CDH23: variants seen among roughly 807,000 people sequenced by gnomAD.
CDH23 encodes cadherin related 23.
CDH23 carries 189 observed loss-of-function variants against 317.1 expected under a neutral mutation model. The observed-to-expected ratio is 0.60, with a 90% CI of 0.53 to 0.67. CDH23 has a LOEUF of 0.67. Ranked by LOEUF, CDH23 falls within the 30% of genes least tolerant of loss-of-function variation. The probability of loss-of-function intolerance (pLI) is 0.00; values close to 1 mark genes in which losing one functional copy is unlikely to be tolerated. For synonymous variants in CDH23, 1,839 were observed against 1,876.8 expected, an observed-to-expected ratio of 0.98 and a Z score of 0.52; for missense variants, 4,401 against 4,592.4, an observed-to-expected ratio of 0.96 and a Z score of 1.20.
intron 22 of CDH23, among the ~76,000 whole-genome samples, chr10:71,697,770 G>C (rs898582571): frequency 6.6e-6 from 1 of 152,058 alleles, no homozygotes. Flanking sequence ...CTGTGCAAAA[G>C]CCAGAGCCCT....
chr10:71,690,290 G>A (rs555376082), intron 19 of CDH23, among the ~76,000 whole-genome samples, 178 bp from the exon 20 acceptor site: 2 of 152,242 alleles, frequency 1.3e-5, no homozygotes, highest in Admixed American at 6.5e-5. Flanking sequence ...CGATTGAGCC[G>A]CCCTTGTCCC....
intron 16 of CDH23, 63 bp from the exon 17 acceptor site, chr10:71,679,324 C>A: frequency 4.7e-6 from 4 of 851,448 alleles, no homozygotes; most frequent in South Asian, 1.4e-5. Flanking sequence ...CCCAGCTGCC[C>A]ACCCTCTTCT....
intron 29 of CDH23, among the ~76,000 whole-genome samples, 160 bp from the exon 30 acceptor site, chr10:71,725,212 C>T (rs1279465317): frequency 6.6e-6 from 1 of 152,216 alleles, no homozygotes; most frequent in East Asian, 1.9e-4. Context: ...TCACAGAGTC[C>T]TCCAGCTTCC....
At chr10:71,465,123 C>T (rs920911383) in intron 3 of CDH23, among the ~76,000 whole-genome samples, 2 of 152,222 alleles carry the variant, frequency 1.3e-5, no homozygotes, top group Admixed American at 6.5e-5. Flanking sequence ...AATTAAATAA[C>T]GTAGAGTTAA....
chr10:71,726,387 G>A (rs552950771), intron 30 of CDH23, among the ~76,000 whole-genome samples: 3 of 152,324 alleles, frequency 2.0e-5, no homozygotes, highest in South Asian at 2.1e-4. Context: ...AACAATGAGC[G>A]GTGGTCACCG....
intron 18 of CDH23, among the ~76,000 whole-genome samples, chr10:71,686,286 C>T (rs752463211): frequency 1.6e-4 from 25 of 151,906 alleles, no homozygotes; most frequent in Non-Finnish European, 2.8e-4. Context: ...GTATATGGGG[C>T]GCTCGCACCC....
At chr10:71,589,786 A>C (rs1859345186) in intron 9 of CDH23, among the ~76,000 whole-genome samples, 2 of 152,230 alleles carry the variant, frequency 1.3e-5, no homozygotes, top group South Asian at 4.1e-4. Context: ...CCACATTGGG[A>C]AAGGTTTGAA....
chr10:71,662,107 C>T (rs534750565), intron 14 of CDH23, among the ~76,000 whole-genome samples: 17 of 151,664 alleles, frequency 1.1e-4, no homozygotes, highest in Non-Finnish European at 1.5e-4. Context: ...TAATTTCTTC[C>T]GGCAGCCTGG....
chr10:71,541,741 G>A (rs1855999796), intron 6 of CDH23, among the ~76,000 whole-genome samples: 1 of 152,150 alleles, frequency 6.6e-6, no homozygotes. Flanking sequence ...GGCTTTGCAG[G>A]CCATATGGAC....
At chr10:71,782,852 A>T (rs1350173093) in intron 41 of CDH23, among the ~76,000 whole-genome samples, 1 of 152,218 alleles carries the variant, frequency 6.6e-6, no homozygotes, top group Non-Finnish European at 1.5e-5. Flanking sequence ...AGCCTATGGG[A>T]CGGGAAGAGC....
intron 3 of CDH23, among the ~76,000 whole-genome samples, chr10:71,465,527 C>G (rs1406297046): frequency 6.6e-6 from 1 of 152,234 alleles, no homozygotes; most frequent in Non-Finnish European, 1.5e-5. Context: ...CGAGTGCCAC[C>G]GAGTGGTCTG....
intron 1 of CDH23, among the ~76,000 whole-genome samples, chr10:71,409,473 C>T (rs989790280): frequency 1.3e-5 from 2 of 152,066 alleles, no homozygotes; most frequent in East Asian, 1.9e-4. Context: ...GGGTAAGGGA[C>T]GGAGGATGGG....
chr10:71,629,566 C>T (rs576878759), intron 11 of CDH23, among the ~76,000 whole-genome samples: 25 of 152,272 alleles, frequency 1.6e-4, no homozygotes, highest in African/African-American at 5.8e-4. Flanking sequence ...AGTGAAGTTT[C>T]GGGAGGAGGT....
intron 9 of CDH23, among the ~76,000 whole-genome samples, chr10:71,585,598 C>G (rs2132427531): frequency 6.6e-6 from 1 of 152,320 alleles, no homozygotes; most frequent in African/African-American, 2.4e-5. Context: ...CTGTTATTTG[C>G]AGTTCTCTCC....
intron 1 of CDH23, among the ~76,000 whole-genome samples, chr10:71,432,739 C>T (rs904410477): frequency 1.3e-5 from 2 of 152,188 alleles, no homozygotes; most frequent in African/African-American, 4.8e-5. Flanking sequence ...GCAATCCGAC[C>T]TCCTCGCCTA....
chr10:71,802,208 T>C (rs370425927), intron 53 of CDH23, among the ~76,000 whole-genome samples: 1 of 152,214 alleles, frequency 6.6e-6, no homozygotes, highest in Non-Finnish European at 1.5e-5. Flanking sequence ...CTTGGGAGGC[T>C]GAGGCAGGAG....
At chr10:71,664,187 G>C (rs1041085855) in intron 14 of CDH23, among the ~76,000 whole-genome samples, 1 of 152,110 alleles carries the variant, frequency 6.6e-6, no homozygotes, top group Non-Finnish European at 1.5e-5. Context: ...GGCACAGGCA[G>C]ACACCGGCCA....
At chr10:71,497,367 G>A (rs1355987327) in intron 3 of CDH23, among the ~76,000 whole-genome samples, 1 of 152,100 alleles carries the variant, frequency 6.6e-6, no homozygotes, top group Non-Finnish European at 1.5e-5. Flanking sequence ...ACTACCTCTT[G>A]GCTCTCCAAG....
chr10:71,432,299 AGT>A (rs1277766113), intron 1 of CDH23, among the ~76,000 whole-genome samples: 1 of 132,466 alleles, frequency 7.5e-6, no homozygotes, highest in Non-Finnish European at 1.6e-5. Context: ...TGTGTGTGTG[AGT>A]GTGTGAATGT....
Sources: gnomAD v4.1 joint callset for allele counts (sites outside exome capture counted in the v4.1 genomes callset) on GRCh38, gnomAD v4.1.1 for gene constraint, MANE v1.5 for transcripts, NCBI Gene and HGNC (gene_info 2026-07-23, HGNC 2026-07-21) for gene names.